LYPD6: variants seen among roughly 807,000 people sequenced by gnomAD.
The protein encoded by LYPD6 is ly6/PLAUR domain-containing protein 6.
LYPD6 carries 15 observed loss-of-function variants against 22.7 expected under a neutral mutation model. The observed-to-expected ratio is 0.66, with a 90% CI of 0.44 to 1.02. LYPD6 has a LOEUF of 1.02. LYPD6 is among the 50% of genes least tolerant of loss of function. The pLI is 0.00. For missense variants in LYPD6, 189 were observed against 208.4 expected, an observed-to-expected ratio of 0.91 and a Z score of 0.57; for synonymous variants, 72 against 77.5, an observed-to-expected ratio of 0.93 and a Z score of 0.37.
intron 1 of LYPD6, among the ~76,000 whole-genome samples, chr2:149,398,007 A>G (rs1289686936): frequency 6.6e-6 from 1 of 152,214 alleles, no homozygotes; most frequent in South Asian, 2.1e-4. Flanking sequence ...AAGAAAAAAA[A>G]CAACTAACTA....
At chr2:149,368,732 G>A (rs990279085) in intron 1 of LYPD6, among the ~76,000 whole-genome samples, 1 of 152,100 alleles carries the variant, frequency 6.6e-6, no homozygotes, top group African/African-American at 2.4e-5. Context: ...TGTAGGTGAA[G>A]GGAGAGGGGG....
At chr2:149,381,517 G>T (rs1364118532) in intron 1 of LYPD6, among the ~76,000 whole-genome samples, 1 of 152,120 alleles carries the variant, frequency 6.6e-6, no homozygotes, top group Non-Finnish European at 1.5e-5. Flanking sequence ...TTTTCTGATT[G>T]CTTCAGATTT....
At chr2:149,457,421 A>C (rs1680986536) in intron 3 of LYPD6, among the ~76,000 whole-genome samples, 2 of 152,194 alleles carry the variant, frequency 1.3e-5, no homozygotes, top group Admixed American at 6.6e-5. Flanking sequence ...TATTGTGTGC[A>C]ATGCCCTGTG....
intron 1 of LYPD6, among the ~76,000 whole-genome samples, chr2:149,420,058 G>A (rs139955106): frequency 2.5e-3 from 375 of 152,158 alleles, no homozygotes; most frequent in Admixed American, 4.1e-3. Context: ...CTGCTTTTCC[G>A]CTATGAATAA....
rs551025942 is a variant in LYPD6 at position 149,413,522 on chromosome 2, T to C, written c.-71-24116T>C. ...CTTTTAGTTGTTCATCTCCCACTTA[T>C]TTTATTCTCCTTTCCACCTCATTTC... On this transcript the variant is annotated intron_variant, in intron 1 of 4. Transcript: ENST00000334166. Among the ~76,000 whole-genome samples the C allele has an allele frequency of 3.3e-5, 5 of 152,358 alleles. No individual in the cohort carries two copies. The South Asian group carries it at 1.0e-3, about 32-fold the overall frequency.
intron 3 of LYPD6, among the ~76,000 whole-genome samples, chr2:149,453,605 C>T (rs1023931389): frequency 1.3e-5 from 2 of 152,226 alleles, no homozygotes; most frequent in Non-Finnish European, 2.9e-5. Flanking sequence ...AAAAGCTGGA[C>T]ATATCCCTTG....
chr2:149,483,476 C>T, the LYPD6 span, among the ~76,000 whole-genome samples: 2 of 152,166 alleles, frequency 1.3e-5, no homozygotes, highest in Non-Finnish European at 2.9e-5. Flanking sequence ...TTTCTCTTGA[C>T]CTCTTCCTTC....
intron 1 of LYPD6, among the ~76,000 whole-genome samples, chr2:149,418,542 G>C (rs1289880992): frequency 6.6e-6 from 1 of 150,732 alleles, no homozygotes; most frequent in Non-Finnish European, 1.5e-5. Flanking sequence ...GGGTTAAAGA[G>C]AAACCAACTT....
chr2:149,409,597 A>C (rs1001436946), intron 1 of LYPD6, among the ~76,000 whole-genome samples: 2 of 152,026 alleles, frequency 1.3e-5, no homozygotes, highest in African/African-American at 4.8e-5. Context: ...GTCTGAGCTC[A>C]GCATCTCTTT....
At chr2:149,334,178 G>C (rs983171899) in intron 1 of LYPD6, among the ~76,000 whole-genome samples, 36 of 152,214 alleles carry the variant, frequency 2.4e-4, no homozygotes, top group Admixed American at 3.3e-4. Context: ...TGAAGGGTCA[G>C]TTTATTAAAT....
At chr2:149,375,789 G>GTT (rs1681907187) in intron 1 of LYPD6, among the ~76,000 whole-genome samples, 1 of 152,180 alleles carries the variant, frequency 6.6e-6, no homozygotes, top group South Asian at 2.1e-4. Flanking sequence ...CAGGTGGAAG[G>GTT]GGGAATTCCA....
rs557172242 is a variant in LYPD6, at chr2:149,467,270, C to T, written c.218-1375C>T. 1.3e-3 allele frequency among the ~76,000 whole-genome samples: 191 copies of T among 152,286 alleles called. 1 individual carries two copies. Among genetic ancestry groups the T allele is most frequent in the African/African-American group, 4.3e-3 (179 of 41,568 alleles). On this transcript the variant is annotated intron_variant, in intron 3 of 4. Transcript: ENST00000334166. Reference sequence around the variant, plus strand: ...GCCCAATCCAACTAACAATTCCAGCCGGGATGCAGTGTGGGACAGCATTTA... The same window carrying T: ...GCCCAATCCAACTAACAATTCCAGCTGGGATGCAGTGTGGGACAGCATTTA...
At chr2:149,464,779 C>A (rs1224229335) in intron 3 of LYPD6, among the ~76,000 whole-genome samples, 1 of 152,056 alleles carries the variant, frequency 6.6e-6, no homozygotes, top group Admixed American at 6.6e-5. Flanking sequence ...TAGAAAAGAC[C>A]AGATGGATAA....
intron 1 of LYPD6, among the ~76,000 whole-genome samples, chr2:149,382,247 C>A (rs996361384): frequency 6.6e-6 from 1 of 152,110 alleles, no homozygotes; most frequent in Admixed American, 6.6e-5. Flanking sequence ...AAAGTATTAT[C>A]ATAAATAAGG....
At chr2:149,457,063 C>T (rs1179791200) in intron 3 of LYPD6, among the ~76,000 whole-genome samples, 3 of 152,152 alleles carry the variant, frequency 2.0e-5, no homozygotes, top group Non-Finnish European at 2.9e-5. Flanking sequence ...AATAGTTCTT[C>T]TATGCACGTT....
At chr2:149,430,844 A>G (rs1683297367) in intron 1 of LYPD6, among the ~76,000 whole-genome samples, 1 of 152,180 alleles carries the variant, frequency 6.6e-6, no homozygotes, top group African/African-American at 2.4e-5. Context: ...TGAAATAGTA[A>G]TTAGGATGTA....
chr2:149,453,169 C>T (rs1680874019), intron 3 of LYPD6, among the ~76,000 whole-genome samples: 2 of 152,104 alleles, frequency 1.3e-5, no homozygotes, highest in African/African-American at 4.8e-5. Context: ...ATTTTGTGAA[C>T]CAGAATGGAA....
intron 1 of LYPD6, among the ~76,000 whole-genome samples, chr2:149,428,338 G>C (rs1683229942): frequency 6.6e-6 from 1 of 152,132 alleles, no homozygotes; most frequent in South Asian, 2.1e-4. Flanking sequence ...TTTATTGGAT[G>C]GATATTAAGG....
chr2:149,340,227 G>A (rs913333546), intron 1 of LYPD6, among the ~76,000 whole-genome samples: 1 of 152,036 alleles, frequency 6.6e-6, no homozygotes, highest in Non-Finnish European at 1.5e-5. Context: ...GTTATTTTAA[G>A]CACAATTTTT....
Sources: gnomAD v4.1 joint callset for allele counts (sites outside exome capture counted in the v4.1 genomes callset) on GRCh38, gnomAD v4.1.1 for gene constraint, MANE v1.5 for transcripts, NCBI Gene and HGNC (gene_info 2026-07-23, HGNC 2026-07-21) for gene names.